The following CNKSR2 variants were observed in gnomAD, a reference collection of about 807,000 sequenced individuals.
CNKSR2 encodes the protein connector enhancer of kinase suppressor of Ras 2.
A neutral mutation model predicts 84.4 loss-of-function variants in CNKSR2; 14 were observed. The ratio of observed to expected loss-of-function variants is 0.17; its 90% CI spans 0.11 to 0.26. CNKSR2 has a LOEUF of 0.26. CNKSR2 is among the 10% of genes least tolerant of loss of function. The probability of loss-of-function intolerance (pLI) is 1.00; values close to 1 mark genes in which losing one functional copy is unlikely to be tolerated. For missense variants in CNKSR2, 485 were observed against 771.2 expected, an observed-to-expected ratio of 0.63 and a Z score of 4.40; for synonymous variants, 275 against 277.9, an observed-to-expected ratio of 0.99 and a Z score of 0.10.
chrX:21,399,078 T>C (rs1166549227), intron 1 of CNKSR2, among the ~76,000 whole-genome samples: 1 of 110,779 alleles, frequency 9.0e-6, no homozygotes, highest in Non-Finnish European at 1.9e-5. Context: ...TTGGAATCTA[T>C]ATGTATATCT....
At chrX:21,605,086 A>G (rs953380091) in intron 18 of CNKSR2, among the ~76,000 whole-genome samples, 2 of 112,031 alleles carry the variant, frequency 1.8e-5, no homozygotes, top group Non-Finnish European at 3.8e-5. Context: ...AAAGGCGGTT[A>G]TTATTAGACC....
chrX:21,475,900 T>C (rs903323570), intron 5 of CNKSR2, among the ~76,000 whole-genome samples: 3 of 111,452 alleles, frequency 2.7e-5, no homozygotes, highest in Non-Finnish European at 5.6e-5. Context: ...CTGAAAATAC[T>C]AAACCAAAAT....
intron 5 of CNKSR2, among the ~76,000 whole-genome samples, chrX:21,485,280 A>G (rs2091370356): frequency 8.9e-6 from 1 of 112,096 alleles, no homozygotes; most frequent in Non-Finnish European, 1.9e-5. Context: ...CTATTCAGAC[A>G]TAATGAAAGA....
At chrX:21,532,917 T>C (rs1031750122) in intron 11 of CNKSR2, among the ~76,000 whole-genome samples, 15 of 111,366 alleles carry the variant, frequency 1.3e-4, no homozygotes, top group African/African-American at 4.9e-4. Flanking sequence ...AAGTTGTTTT[T>C]AGCTCCTCCA....
In CNKSR2 at chrX:21,490,548, A is replaced by G. The variant is rs77732468; in HGVS notation, c.651A>G (p.Gln217=). 0.011 allele frequency: 13,333 copies of G among 1,207,806 alleles called. 671 individuals carry two copies. The Admixed American group carries it at 0.16, about 14-fold the overall frequency. Residue 217 remains glutamine, a synonymous_variant, in exon 6 of 22, where the codon CAA becomes CAG. Transcript: ENST00000379510. ...AGTCTGCTCACCTGGAAGTGATTCA[A>G]CTGGCAAACATTAAACCAAGCGAAG... ...VSQSAHLEVI[Q]LANIKPSEGL...
intron 20 of CNKSR2, among the ~76,000 whole-genome samples, chrX:21,628,261 T>C (rs1433558662): frequency 9.0e-6 from 1 of 111,724 alleles, no homozygotes; most frequent in Non-Finnish European, 1.9e-5. Context: ...GGGTACAACC[T>C]CTCTCGGCTG....
chrX:21,560,861 T>C (rs1274568153), intron 11 of CNKSR2, among the ~76,000 whole-genome samples: 1 of 111,309 alleles, frequency 9.0e-6, no homozygotes, highest in Admixed American at 9.6e-5. Context: ...ATTACTTGGA[T>C]CTCTATACTG....
At chrX:21,525,242 A>G (rs1173301233) in intron 9 of CNKSR2, among the ~76,000 whole-genome samples, 1 of 111,088 alleles carries the variant, frequency 9.0e-6, no homozygotes, top group African/African-American at 3.3e-5. Context: ...GGTGACTCCT[A>G]TGATTACCTG....
intron 4 of CNKSR2, among the ~76,000 whole-genome samples, chrX:21,446,910 C>T (rs1019876485): frequency 3.6e-5 from 4 of 111,436 alleles, no homozygotes; most frequent in South Asian, 3.7e-4. Flanking sequence ...ATAATAAATA[C>T]TCATGAATCT....
intron 20 of CNKSR2, among the ~76,000 whole-genome samples, chrX:21,628,046 T>C (rs2092631925): frequency 9.0e-6 from 1 of 111,326 alleles, no homozygotes; most frequent in African/African-American, 3.3e-5. Flanking sequence ...GGTACAGGCA[T>C]TGGATAAATG....
At chrX:21,546,964 A>G (rs1038388256) in intron 11 of CNKSR2, among the ~76,000 whole-genome samples, 1 of 112,298 alleles carries the variant, frequency 8.9e-6, no homozygotes, top group African/African-American at 3.2e-5. Context: ...GGCACCAGCC[A>G]CTGCAATAAT....
At position 21,374,473 on chromosome X, in the gene CNKSR2, G is replaced by A; in HGVS notation, c.-425G>A. ...GGGGCTTCACTCCCGCGCGTGAGGCGAGCGGGCAAGTTGGCTGAGGGCGTG... is the reference window on the plus strand; with the variant it reads ...GGGGCTTCACTCCCGCGCGTGAGGCAAGCGGGCAAGTTGGCTGAGGGCGTG... On this transcript the variant is annotated 5_prime_UTR_variant, in exon 1 of 22. Coordinates refer to ENST00000379510, the MANE Select transcript of CNKSR2 (RefSeq NM_014927.5). 1 of 343,301 alleles carries A rather than the reference G, an allele frequency of 2.9e-6. No homozygotes were observed. The highest frequency in any genetic ancestry group is 5.1e-6 in the Non-Finnish European group (1 of 195,126). 28.3% of individuals were successfully genotyped at this position (343,301 alleles called of 1,213,427 possible).
chrX:21,377,951 G>A (rs1419474125), intron 1 of CNKSR2, among the ~76,000 whole-genome samples: 1 of 111,455 alleles, frequency 9.0e-6, no homozygotes, highest in Non-Finnish European at 1.9e-5. Flanking sequence ...AAATATTTGA[G>A]GGAGATGGAA....
At chrX:21,614,085 C>T (rs1014703680) in intron 20 of CNKSR2, among the ~76,000 whole-genome samples, 6 of 111,474 alleles carry the variant, frequency 5.4e-5, no homozygotes, top group Non-Finnish European at 1.1e-4. Context: ...GAATATGCCA[C>T]TCAGTAGCCT....
At chrX:21,410,634 A>T (rs1187928650) in intron 1 of CNKSR2, among the ~76,000 whole-genome samples, 1 of 111,927 alleles carries the variant, frequency 8.9e-6, no homozygotes, top group East Asian at 2.8e-4. Context: ...TTGTGATAAG[A>T]TACTAACATT....
chrX:21,578,410 A>T (rs189375232), intron 13 of CNKSR2, among the ~76,000 whole-genome samples: 1 of 110,976 alleles, frequency 9.0e-6, no homozygotes, highest in Non-Finnish European at 1.9e-5. Context: ...CTTTTTTAAA[A>T]TTCAGCTATA....
chrX:21,417,477 G>C (rs2090438060), intron 1 of CNKSR2, among the ~76,000 whole-genome samples: 1 of 111,432 alleles, frequency 9.0e-6, no homozygotes, highest in Non-Finnish European at 1.9e-5. Flanking sequence ...GTTAATTTCT[G>C]TCTGGAATAT....
chrX:21,552,302 C>G (rs766086627), intron 11 of CNKSR2, among the ~76,000 whole-genome samples: 2 of 110,930 alleles, frequency 1.8e-5, no homozygotes, highest in African/African-American at 6.5e-5. Flanking sequence ...TATTTTAGGC[C>G]CCTCTTGGAG....
At chrX:21,385,221 T>A (rs1254303156) in intron 1 of CNKSR2, among the ~76,000 whole-genome samples, 3 of 111,834 alleles carry the variant, frequency 2.7e-5, no homozygotes, top group Non-Finnish European at 3.8e-5. Context: ...GCTTGTGTGA[T>A]CTTAGGGAGA....
Sources: allele counts gnomAD v4.1 joint callset (sites outside exome capture counted in the v4.1 genomes callset), GRCh38; gene constraint gnomAD v4.1.1; transcripts MANE v1.5; gene names NCBI Gene and HGNC (gene_info 2026-07-23, HGNC 2026-07-21).